NOTCH1: variants seen among roughly 807,000 people sequenced by gnomAD.
NOTCH1 encodes the protein neurogenic locus notch homolog protein 1.
Under a neutral mutation model 254.8 loss-of-function variants are expected in NOTCH1, and 37 were observed. That is an observed-to-expected ratio of 0.15 (90% CI 0.11 to 0.19). NOTCH1 has a LOEUF of 0.19. Among genes scored for constraint, NOTCH1 ranks in the 10% least tolerant of loss-of-function variants. The pLI is 1.00. For missense variants in NOTCH1, 2,972 were observed against 3,708.6 expected (o/e 0.80, Z 5.16); for synonymous variants, 1,731 against 1,618.1 (o/e 1.07, Z -1.68).
chr9:136,514,778 CTGTT>C, intron 12 of NOTCH1, 76 bp from the exon 13 acceptor site: 1 of 1,445,388 alleles, frequency 6.9e-7, no homozygotes, highest in East Asian at 2.4e-5. Flanking sequence ...ATTTCCCTGT[CTGTT>C]GAGCCGGGGC....
At position 136,496,064 on chromosome 9, in the gene NOTCH1, G is replaced by A. The variant is rs758237894; in HGVS notation, c.*7C>T. ...AAAGGAAGCCGGGGTCTCGTGGGGC[G>A]CGCCGTTTACTTGAAGGCCTCCGGA... On this transcript the variant is annotated 3_prime_UTR_variant, in exon 34 of 34. Transcript: ENST00000651671. 70 of 1,595,578 alleles carry A rather than the reference G, an allele frequency of 4.4e-5. No individual in the cohort carries two copies. Among genetic ancestry groups the A allele is most frequent in the South Asian group, 6.7e-5 (6 of 88,954 alleles).
At chr9:136,526,489 G>A (rs1157309592) in intron 2 of NOTCH1, among the ~76,000 whole-genome samples, 1 of 152,218 alleles carries the variant, frequency 6.6e-6, no homozygotes, top group Non-Finnish European at 1.5e-5. Context: ...CAAGGAGCGG[G>A]AAAAGCTCAC....
Position 136,505,512 on chromosome 9 carries a change from C to T in NOTCH1, c.4384G>A (p.Val1462Ile), listed in dbSNP as rs1295977045. Residue 1462 changes from valine to isoleucine, a missense_variant, in exon 25 of 34, where the codon GTC (valine) becomes ATC (isoleucine). Transcript: ENST00000651671. ...TGGTTGTTGCACTGCAGGCTGCAGA[C>T]CTTGTTGCCCGCGTCCTCCTGGCAC... ...PECQEDAGNK[V>I]CSLQCNNHAC... The T allele has an allele frequency of 2.5e-6, 4 of 1,612,696 alleles. No individual in the cohort carries two copies. The highest frequency in any genetic ancestry group is 3.4e-6 in the Non-Finnish European group (4 of 1,179,974).
At chr9:136,538,976 G>C (rs1843694348) in intron 2 of NOTCH1, among the ~76,000 whole-genome samples, 1 of 152,224 alleles carries the variant, frequency 6.6e-6, no homozygotes, top group Admixed American at 6.5e-5. Context: ...GCCCGGCCTG[G>C]AACTGCCCAG....
At chr9:136,501,693 G>A (rs2133328272) in intron 30 of NOTCH1, 55 bp downstream of exon 30, 1 of 1,597,094 alleles carries the variant, frequency 6.3e-7, no homozygotes, top group South Asian at 1.1e-5. Flanking sequence ...GGGCTTAGGG[G>A]AGAGAGGCAG....
chr9:136,505,674 C>T lies in NOTCH1; in HGVS notation c.4222G>A (p.Glu1408Lys), dbSNP rs587778569. 22 of 1,610,596 alleles carry T rather than the reference C, an allele frequency of 1.4e-5. No homozygotes were observed. Among genetic ancestry groups the T allele is most frequent in the African/African-American group, 9.3e-5 (7 of 74,900 alleles). The change falls in exon 25 of 34, where the codon GAG becomes AAG. Residue 1408 changes from glutamate (E) to lysine (K), a missense_variant. Glu to Lys is a moderately conservative substitution (Grantham distance 56). Transcript: ENST00000651671. ...YNQGTCEPTS[E>K]SPFYRCLCPA... The stretch of plus-strand genomic sequence containing the variant: ...CACAGGCAACGGTAGAAGGGGCTCT[C>T]GGATGTGGGCTCACAGGTCCCCTGG...
At chr9:136,518,883 C>G in intron 5 of NOTCH1, 59 bp from the exon 6 acceptor site, 2 of 1,505,954 alleles carry the variant, frequency 1.3e-6, no homozygotes, top group Non-Finnish European at 1.8e-6. Flanking sequence ...CTCCCTGTCC[C>G]CTAAGACGCA....
At chr9:136,508,160 G>A (rs763733196) in intron 20 of NOTCH1, 21 bp from the exon 21 acceptor site, 7 of 1,608,058 alleles carry the variant, frequency 4.4e-6, no homozygotes, top group Non-Finnish European at 5.1e-6. Context: ...TGGGGTGGTA[G>A]ACAGGTGAGG....
intron 15 of NOTCH1, among the ~76,000 whole-genome samples, chr9:136,512,091 G>C (rs547400726): frequency 6.6e-6 from 1 of 152,356 alleles, no homozygotes; most frequent in South Asian, 2.1e-4. Flanking sequence ...TTGTGCGAAA[G>C]GAAGCAGGAA....
chr9:136,515,094 G>C (rs1446070423), intron 12 of NOTCH1, among the ~76,000 whole-genome samples, 196 bp downstream of exon 12: 1 of 152,218 alleles, frequency 6.6e-6, no homozygotes, highest in African/African-American at 2.4e-5. Flanking sequence ...TCTGACCGGA[G>C]ACAAGAGGGG....
Position 136,509,930 on chromosome 9 carries a change from G to A in NOTCH1, c.2772C>T (p.Asp924=), listed in dbSNP as rs762732089. 4.5e-5 allele frequency: 73 copies of A among 1,613,148 alleles called. 1 individual carries two copies. Among genetic ancestry groups the A allele is most frequent in the South Asian group, 1.8e-4 (16 of 91,092 alleles). The change falls in exon 18 of 34, where the codon GAC becomes GAT. Residue 924 remains aspartate, a synonymous_variant. Transcript: ENST00000651671. ...AGTCGCAGAAGGCCGTGTTGATGCC[G>A]TCTGTGCAGGAGCCCCCGTTGTGAC... is the stretch of plus-strand genomic sequence containing the variant. ...NPCHNGGSCT[D]GINTAFCDCL... is the part of the protein sequence containing the mutation.
At chr9:136,528,378 A>ATGGGCAGGGACAGTGGGGGG (rs145076688) in intron 2 of NOTCH1, among the ~76,000 whole-genome samples, 919 of 5,694 alleles carry the variant, frequency 0.16, 101 homozygotes, top group Middle Eastern at 0.3. Flanking sequence ...CAAGGCAAGG[A>ATGGGCAGGGACAGTGGGGGG]TGGGCAGGGA....
intron 12 of NOTCH1, 138 bp from the exon 13 acceptor site, chr9:136,514,840 A>G (rs1843237435): frequency 2.1e-6 from 2 of 956,934 alleles, no homozygotes; most frequent in African/African-American, 1.6e-5. Context: ...ACCATCTTGG[A>G]TCACAATGTG....
intron 2 of NOTCH1, among the ~76,000 whole-genome samples, chr9:136,529,599 C>T (rs2133387239): frequency 6.6e-6 from 1 of 152,348 alleles, no homozygotes; most frequent in South Asian, 2.1e-4. Flanking sequence ...CTCCCCAAAT[C>T]CCCCAGAACA....
Position 136,494,901 on chromosome 9 carries a change from C to T in NOTCH1, c.*1170G>A. 1 of 398,642 alleles carries T rather than the reference C, an allele frequency of 2.5e-6. No individual in the cohort carries two copies. The highest frequency in any genetic ancestry group is 1.3e-4 in the South Asian group (1 of 7,856). 24.7% of individuals were successfully genotyped at this position (398,642 alleles called of 1,614,324 possible). A position where few individuals can be genotyped will look rare whatever the true frequency, so the allele number is the denominator to read the frequency against. ...ACTAGGAGGGGTGGCCCAAGGGCAG[C>T]CCCCGCCTCCCTCCAGCCCCTGCCC... On this transcript the variant is annotated 3_prime_UTR_variant, in exon 34 of 34. Coordinates refer to ENST00000651671, the MANE Select transcript of NOTCH1 (RefSeq NM_017617.5).
rs780710009 is a variant in NOTCH1, at chr9:136,515,359, G to C, written c.1945C>G (p.Pro649Ala). Residue 649 changes from proline (P) to alanine (A), a missense_variant, in exon 12 of 34, where the codon CCC becomes GCC. Coordinates refer to ENST00000651671, the MANE Select transcript of NOTCH1 (RefSeq NM_017617.5). ...TCCAGACAGGTGCCCGAGTCGCAGG[G>C]GCTGCTGGCACAGTCATCCAGGTTG... ...EINLDDCASS[P>A]CDSGTCLDKI... The C allele has an allele frequency of 6.2e-7, 1 of 1,612,942 alleles. No individual in the cohort carries two copies. Among genetic ancestry groups the C allele is most frequent in the Non-Finnish European group, 8.5e-7 (1 of 1,180,002 alleles).
intron 4 of NOTCH1, 99 bp downstream of exon 4, chr9:136,522,751 C>G (rs983484614): frequency 1.7e-6 from 2 of 1,179,752 alleles, no homozygotes; most frequent in East Asian, 2.6e-5. Context: ...CCGCCATGGG[C>G]CCTCCCAGGG....
chr9:136,504,607 G>C lies in NOTCH1; in HGVS notation c.5018+66C>G, dbSNP rs1843047355. 6 of 1,423,692 alleles carry C rather than the reference G, an allele frequency of 4.2e-6. No individual in the cohort carries two copies. The African/African-American group carries it at 4.3e-5, about 10-fold the overall frequency. The allele number at this position is 1,423,692 out of a possible 1,614,324, so 88.2% of individuals were successfully genotyped here. A position where few individuals can be genotyped will look rare whatever the true frequency, so the allele number is the denominator to read the frequency against. On this transcript the variant is annotated intron_variant, in intron 26 of 33. Coordinates refer to ENST00000651671, the MANE Select transcript of NOTCH1 (RefSeq NM_017617.5). ...GCCATGGCGCCGGCCGTGAGGGGCA[G>C]GGAGGCCGTCGGGGAGGGCCCAGGA...
Position 136,497,267 on chromosome 9 carries a change from C to A in NOTCH1, c.6472G>T (p.Val2158Phe). The change falls in exon 34 of 34, where the codon GTC (valine) becomes TTC (phenylalanine). Residue 2158 changes from valine to phenylalanine, a missense_variant. Physicochemically the swap from Val to Phe is conservative, Grantham distance 50. Transcript: ENST00000651671. ...SLKPGVQGKK[V>F]RKPSSKGLAC... ...AGGCCTTTGCTGCTGGGCTTGCGGACCTTCTTGCCCTGCACGCCGGGCTTG... is the reference window on the plus strand; with the variant it reads ...AGGCCTTTGCTGCTGGGCTTGCGGAACTTCTTGCCCTGCACGCCGGGCTTG... 1.2e-6 allele frequency: 2 copies of A among 1,611,046 alleles called. No individual in the cohort carries two copies. The highest frequency in any genetic ancestry group is 1.3e-5 in the African/African-American group (1 of 75,054).
Sources: allele counts gnomAD v4.1 joint callset (sites outside exome capture counted in the v4.1 genomes callset), GRCh38; gene constraint gnomAD v4.1.1; transcripts MANE v1.5; gene names NCBI Gene and HGNC (gene_info 2026-07-23, HGNC 2026-07-21).